Variants in DNAL1 observed in about 807,000 individuals in gnomAD.
The protein encoded by DNAL1 is dynein axonemal light chain 1.
A neutral mutation model predicts 29.4 loss-of-function variants in DNAL1; 17 were observed. That is an observed-to-expected ratio of 0.58 (90% CI 0.40 to 0.87). The LOEUF (loss-of-function observed/expected upper bound fraction) is 0.87, where lower values mean the gene tolerates loss of function less well. Among genes scored for constraint, DNAL1 ranks in the 40% least tolerant of loss-of-function variants. DNAL1 has a pLI of 0.00. For synonymous variants in DNAL1, 78 were observed against 76.3 expected, an observed-to-expected ratio of 1.02 and a Z score of -0.12; for missense variants, 188 against 214.1, an observed-to-expected ratio of 0.88 and a Z score of 0.76.
chr14:73,655,573 C>T (rs775188683), intron 2 of DNAL1, among the ~76,000 whole-genome samples: 66 of 151,950 alleles, frequency 4.3e-4, no homozygotes, highest in Non-Finnish European at 6.5e-4. Flanking sequence ...TCTCGAACTC[C>T]TGACCTCATG....
intron 5 of DNAL1, among the ~76,000 whole-genome samples, chr14:73,679,158 G>C (rs772287976): frequency 6.6e-6 from 1 of 151,900 alleles, no homozygotes; most frequent in Non-Finnish European, 1.5e-5. Flanking sequence ...CACCACACCC[G>C]GCTAATTTTT....
At chr14:73,674,319 G>T (rs1891680965) in intron 5 of DNAL1, among the ~76,000 whole-genome samples, 1 of 152,102 alleles carries the variant, frequency 6.6e-6, no homozygotes, top group South Asian at 2.1e-4. Flanking sequence ...CCACAATGCG[G>T]ACCCCTTCTT....
chr14:73,662,950 TAACTC>T (rs962385294), intron 4 of DNAL1, among the ~76,000 whole-genome samples: 2 of 152,112 alleles, frequency 1.3e-5, no homozygotes, highest in Non-Finnish European at 2.9e-5. Context: ...TAAATCCTGT[TAACTC>T]TACTCTTTGA....
At chr14:73,656,364 A>T (rs1327160288) in intron 2 of DNAL1, among the ~76,000 whole-genome samples, 1 of 151,908 alleles carries the variant, frequency 6.6e-6, no homozygotes, top group East Asian at 1.9e-4. Context: ...TACTTACAAT[A>T]ACTAGTGTTT....
chr14:73,653,045 G>A (rs936647577), intron 1 of DNAL1: 1 of 152,176 alleles, frequency 6.6e-6, no homozygotes, highest in African/African-American at 2.4e-5. Context: ...TAGAAGGAAG[G>A]TGTGTTCCAG....
At chr14:73,681,878 T>C (rs1437559449) in intron 5 of DNAL1, among the ~76,000 whole-genome samples, 1 of 151,700 alleles carries the variant, frequency 6.6e-6, no homozygotes, top group East Asian at 1.9e-4. Flanking sequence ...TTTGGGAGAC[T>C]GACGCAGGTG....
chr14:73,661,879 G>A (rs1891366113), intron 3 of DNAL1, 108 bp from the exon 4 acceptor site: 6 of 655,276 alleles, frequency 9.2e-6, no homozygotes, highest in Non-Finnish European at 1.5e-5. Flanking sequence ...GATTGAGTGG[G>A]GAAAATATTA....
intron 5 of DNAL1, 122 bp from the exon 6 acceptor site, chr14:73,687,137 T>C (rs1892038416): frequency 4.9e-6 from 6 of 1,232,632 alleles, no homozygotes; most frequent in South Asian, 1.8e-5. Flanking sequence ...CTACTAGCTC[T>C]TCTACAAGTA....
rs1327046449 is a variant in DNAL1, at chr14:73,699,847, GTCAT to G, written c.*3911_*3914del. On this transcript the variant is annotated 3_prime_UTR_variant, in exon 8 of 8. Coordinates refer to ENST00000553645, the MANE Select transcript of DNAL1 (RefSeq NM_031427.4). ...GAAAATAGGTCATCATTCTTTAAGC[GTCAT>G]TCATTGTCTAATCACATAATTTTGC... The G allele has an allele frequency of 4.6e-5, 7 of 152,190 alleles. No individual in the cohort carries two copies. The highest frequency in any genetic ancestry group is 4.1e-4 in the South Asian group (2 of 4,822). 9.4% of individuals were successfully genotyped at this position (152,190 alleles called of 1,614,324 possible).
chr14:73,687,801 AG>A (rs1488049163), intron 6 of DNAL1, among the ~76,000 whole-genome samples: 3 of 152,106 alleles, frequency 2.0e-5, no homozygotes, highest in Non-Finnish European at 4.4e-5. Context: ...TGAACCCGGG[AG>A]GCGGAGCTTG....
rs1236616290 is a variant in DNAL1, at chr14:73,703,599, C to T, written c.*7657C>T. 6.6e-6 allele frequency: 1 copy of T among 152,278 alleles called. No individual in the cohort carries two copies. Among genetic ancestry groups the T allele is most frequent in the South Asian group, 2.1e-4 (1 of 4,838 alleles). The allele number at this position is 152,278 out of a possible 1,614,324, so 9.4% of individuals were successfully genotyped here. On this transcript the variant is annotated 3_prime_UTR_variant, in exon 8 of 8. Coordinates refer to ENST00000553645, the MANE Select transcript of DNAL1 (RefSeq NM_031427.4). ...TGAGCTCCACCCACTGTCTGCAAAA[C>T]ATTGCTCTTAACTTCAGCGCCTATC...
intron 5 of DNAL1, among the ~76,000 whole-genome samples, chr14:73,678,335 CA>C (rs1386850522): frequency 6.6e-6 from 1 of 151,938 alleles, no homozygotes. Flanking sequence ...TAATAATTAT[CA>C]ATATTGAAAA....
chr14:73,671,455 A>G (rs1317782029), intron 4 of DNAL1, 87 bp from the exon 5 acceptor site: 1 of 1,262,766 alleles, frequency 7.9e-7, no homozygotes, highest in Non-Finnish European at 1.0e-6. Flanking sequence ...TATTATATAA[A>G]ACTTATTAAA....
rs115866671 is a variant in DNAL1 at position 73,681,698 on chromosome 14, A to T, written c.265-5561A>T. ...GCACACTGTAGTCCTAGGTATCAGGAAACTGAGGATTGCTTGAGCCCAGGA... is the reference window on the plus strand; with the variant it reads ...GCACACTGTAGTCCTAGGTATCAGGTAACTGAGGATTGCTTGAGCCCAGGA... On this transcript the variant is annotated intron_variant, in intron 5 of 7. Coordinates refer to ENST00000553645, the MANE Select transcript of DNAL1 (RefSeq NM_031427.4). Among the ~76,000 whole-genome samples the T allele has an allele frequency of 7.8e-3, 1,141 of 146,400 alleles. 24 individuals are homozygous for T. Among genetic ancestry groups the T allele is most frequent in the African/African-American group, 0.028 (1,081 of 38,648 alleles).
intron 6 of DNAL1, among the ~76,000 whole-genome samples, chr14:73,688,937 CTTAAACAACTGAT>C (rs1418319078): frequency 3.3e-5 from 5 of 150,918 alleles, no homozygotes. Context: ...CCTTCAAAAT[CTTAAACAACTGAT>C]TGTCATGAAT....
chr14:73,677,884 T>TATATTTGTGTG (rs1555402397), intron 5 of DNAL1, among the ~76,000 whole-genome samples: 17 of 96,132 alleles, frequency 1.8e-4, no homozygotes, highest in African/African-American at 3.8e-4. Flanking sequence ...ATATATATAT[T>TATATTTGTGTG]TGTGTGTGTG....
In DNAL1 at chr14:73,658,827, C is replaced by G; in HGVS notation, c.43-20C>G. On this transcript the variant is annotated intron_variant, in intron 2 of 7. Transcript: ENST00000553645. ...CATTGCAATCATGGGTTATTTCTTC[C>G]AAATGTATTTTTCTCATAGGAAGAG... 6.3e-7 allele frequency: 1 copy of G among 1,575,684 alleles called. No homozygotes were observed.
At chr14:73,681,074 G>A (rs1462430468) in intron 5 of DNAL1, among the ~76,000 whole-genome samples, 2 of 151,576 alleles carry the variant, frequency 1.3e-5, no homozygotes, top group African/African-American at 4.8e-5. Context: ...GGACATTACC[G>A]TACACAACTG....
Position 73,654,872 on chromosome 14 carries a change from C to A in DNAL1, c.29C>A (p.Ala10Asp). 6.5e-7 allele frequency: 1 copy of A among 1,539,548 alleles called. No homozygotes were observed. The highest frequency in any genetic ancestry group is 2.5e-5 in the East Asian group (1 of 40,796). Residue 10 changes from alanine to aspartate, a missense_variant, in exon 2 of 8, where the codon GCC becomes GAC. Physicochemically the swap from Ala to Asp is moderately radical, Grantham distance 126. Transcript: ENST00000553645. ...GCGAAAGCAACAACAATCAAAGAAGCCTTAGCGAGATGGGTGAGTACATGA... is the reference window on the plus strand; with the variant it reads ...GCGAAAGCAACAACAATCAAAGAAGACTTAGCGAGATGGGTGAGTACATGA... MAKATTIKE[A>D]LARWEEKTGQ...
Sources: gnomAD v4.1 joint callset for allele counts (sites outside exome capture counted in the v4.1 genomes callset) on GRCh38, gnomAD v4.1.1 for gene constraint, MANE v1.5 for transcripts, NCBI Gene and HGNC (gene_info 2026-07-23, HGNC 2026-07-21) for gene names.